BRAF: variants seen among roughly 807,000 people sequenced by gnomAD.
BRAF encodes serine/threonine-protein kinase B-raf.
In BRAF, 16 loss-of-function variants were observed where a neutral mutation model predicts 104.6. That is an observed-to-expected ratio of 0.15 (90% CI 0.10 to 0.23). The LOEUF (loss-of-function observed/expected upper bound fraction) is 0.23, where lower values mean the gene tolerates loss of function less well. BRAF is among the 10% of genes least tolerant of loss of function. The pLI is 1.00. For synonymous variants in BRAF, 310 were observed against 341.6 expected (o/e 0.91, Z 1.02); for missense variants, 541 against 937.3 (o/e 0.58, Z 5.52).
Position 140,722,914 on chromosome 7 carries a change from T to A in BRAF, c.*3580A>T, listed in dbSNP as rs1045938611. 4.7e-6 allele frequency: 5 copies of A among 1,055,640 alleles called. No homozygotes were observed. The highest frequency in any genetic ancestry group is 5.7e-6 in the Non-Finnish European group (5 of 873,328). The allele number at this position is 1,055,640 out of a possible 1,614,324, so 65.4% of individuals were successfully genotyped here. ...TCAGATATTCCGAGCAACACATTTT[T>A]TTACAGTATTACTGCTTAAATGTAT... On this transcript the variant is annotated 3_prime_UTR_variant, in exon 20 of 20. Transcript: ENST00000644969.
chr7:140,728,597 C>T (rs1477940056), intron 19 of BRAF, among the ~76,000 whole-genome samples: 1 of 149,740 alleles, frequency 6.7e-6, no homozygotes, highest in Non-Finnish European at 1.5e-5. Context: ...TAGAGTAAAA[C>T]ATTTGGAGTA....
At chr7:140,740,333 T>C (rs1363609318) in intron 17 of BRAF, 1 of 181,572 alleles carries the variant, frequency 5.5e-6, no homozygotes, top group African/African-American at 2.4e-5. Flanking sequence ...AAGTCCTCTA[T>C]ATATGTGTAG....
At chr7:140,830,081 A>G (rs1319748425) in intron 3 of BRAF, among the ~76,000 whole-genome samples, 3 of 152,200 alleles carry the variant, frequency 2.0e-5, no homozygotes, top group Non-Finnish European at 4.4e-5. Flanking sequence ...GTCAACAATC[A>G]TACTTTCAAT....
chr7:140,911,585 T>C (rs1034030551), intron 1 of BRAF, among the ~76,000 whole-genome samples: 9 of 152,278 alleles, frequency 5.9e-5, no homozygotes, highest in Middle Eastern at 6.8e-3. Context: ...GAGGTAAGTC[T>C]GGAAGGTTTG....
intron 16 of BRAF, among the ~76,000 whole-genome samples, chr7:140,752,270 G>C (rs1451263619): frequency 6.6e-6 from 1 of 152,168 alleles, no homozygotes; most frequent in East Asian, 1.9e-4. Context: ...GGGATCAAGT[G>C]ATCCTCCTGC....
At chr7:140,726,575 C>T (rs1001762927) in intron 19 of BRAF, 2 of 1,367,622 alleles carry the variant, frequency 1.5e-6, no homozygotes, top group Non-Finnish European at 2.0e-6. Context: ...CCTAGAGACA[C>T]AGAAAAGCCT....
At chr7:140,737,282 C>A (rs1223001888) in intron 18 of BRAF, among the ~76,000 whole-genome samples, 1 of 152,158 alleles carries the variant, frequency 6.6e-6, no homozygotes, top group African/African-American at 2.4e-5. Flanking sequence ...ATGCTGCCTT[C>A]CACCAAACCT....
intron 2 of BRAF, among the ~76,000 whole-genome samples, chr7:140,845,202 A>C (rs1808416041): frequency 6.6e-6 from 1 of 152,186 alleles, no homozygotes; most frequent in African/African-American, 2.4e-5. Flanking sequence ...CATATGCAAA[A>C]GAACGAAGTT....
intron 4 of BRAF, chr7:140,808,398 A>G (rs1488278626): frequency 2.3e-6 from 1 of 430,698 alleles, no homozygotes; most frequent in African/African-American, 2.1e-5. Flanking sequence ...GGACTTATCT[A>G]TCCATTCAAG....
intron 17 of BRAF, among the ~76,000 whole-genome samples, chr7:140,747,970 C>T (rs1797486704): frequency 6.6e-6 from 1 of 152,192 alleles, no homozygotes; most frequent in South Asian, 2.1e-4. Flanking sequence ...TAAGACTCAA[C>T]ATTCTAAAGC....
At position 140,721,813 on chromosome 7, in the gene BRAF, A is replaced by G. The variant is rs1393230078; in HGVS notation, c.*4681T>C. ...CTTTTACATCCAATGGCCAGGTCAT[A>G]AAGGATGCCTTGAGACCTCCACCCT... On this transcript the variant is annotated 3_prime_UTR_variant, in exon 20 of 20. Transcript: ENST00000644969. 1.4e-6 allele frequency: 2 copies of G among 1,401,322 alleles called. No individual in the cohort carries two copies. The highest frequency in any genetic ancestry group is 5.6e-5 in the East Asian group (2 of 35,884). 86.8% of individuals were successfully genotyped at this position (1,401,322 alleles called of 1,614,324 possible). A position where few individuals can be genotyped will look rare whatever the true frequency, so the allele number is the denominator to read the frequency against.
At chr7:140,865,799 A>T (rs1586459399) in intron 1 of BRAF, among the ~76,000 whole-genome samples, 1 of 152,228 alleles carries the variant, frequency 6.6e-6, no homozygotes, top group Non-Finnish European at 1.5e-5. Context: ...GAAATAGAGA[A>T]GTGATATTCA....
chr7:140,726,421 C>T lies in BRAF; in HGVS notation c.*73G>A, dbSNP rs1795599760. ...TTAAAAAAAGATTTGAGGAACAGAA[C>T]TGTGTTTTGATGTTAACAAATTGTA... On this transcript the variant is annotated 3_prime_UTR_variant, in exon 20 of 20. Coordinates refer to ENST00000644969, the MANE Select transcript of BRAF (RefSeq NM_001374258.1). 3.9e-6 allele frequency: 6 copies of T among 1,528,714 alleles called. No homozygotes were observed. The South Asian group carries it at 6.1e-5, about 16-fold the overall frequency. The allele number at this position is 1,528,714 out of a possible 1,614,324, so 94.7% of individuals were successfully genotyped here. A position where few individuals can be genotyped will look rare whatever the true frequency, so the allele number is the denominator to read the frequency against.
At chr7:140,868,381 G>T (rs899086380) in intron 1 of BRAF, among the ~76,000 whole-genome samples, 16 of 152,112 alleles carry the variant, frequency 1.1e-4, no homozygotes, top group African/African-American at 3.6e-4. Context: ...CCATTCAGTG[G>T]AATTTTACTT....
rs955630367 is a variant in BRAF at position 140,924,357 on chromosome 7, A to C, written c.138+209T>G. On this transcript the variant is annotated intron_variant, in intron 1 of 19. Transcript: ENST00000644969. The surrounding 1 kb of genome is among the most constrained non-coding windows in gnomAD (Gnocchi z 4.2). ...CCACATCTGGGGTGGGGGCCAGGGA[A>C]ACCCCCCGGGCCATTGTGTGTGTTT... Among the ~76,000 whole-genome samples the C allele has an allele frequency of 6.6e-6, 1 of 152,108 alleles. No individual in the cohort carries two copies. Among genetic ancestry groups the C allele is most frequent in the Non-Finnish European group, 1.5e-5 (1 of 67,998 alleles).
At chr7:140,782,491 A>T (rs977050557) in intron 11 of BRAF, among the ~76,000 whole-genome samples, 3 of 152,006 alleles carry the variant, frequency 2.0e-5, no homozygotes, top group Non-Finnish European at 2.9e-5. Flanking sequence ...CAACATATAA[A>T]ATTACTTTGG....
chr7:140,724,209 C>G lies in BRAF; in HGVS notation c.*2285G>C. ...CTCCCTAATGGTACCGCCCCTGCCC[C>G]TGCCCCACGGAGGCAGTCCCGGACC... is the stretch of plus-strand genomic sequence containing the variant. On this transcript the variant is annotated 3_prime_UTR_variant, in exon 20 of 20. Transcript: ENST00000644969. 1 of 1,058,042 alleles carries G rather than the reference C, an allele frequency of 9.5e-7. No individual in the cohort carries two copies. Among genetic ancestry groups the G allele is most frequent in the Non-Finnish European group, 1.1e-6 (1 of 874,742 alleles). 65.5% of individuals were successfully genotyped at this position (1,058,042 alleles called of 1,614,324 possible).
intron 17 of BRAF, among the ~76,000 whole-genome samples, chr7:140,745,970 T>C (rs952189293): frequency 6.6e-6 from 1 of 152,172 alleles, no homozygotes; most frequent in Non-Finnish European, 1.5e-5. Context: ...ACTGAGCTTC[T>C]AGCTTCTAGC....
chr7:140,887,205 G>A (rs1001530031), intron 1 of BRAF, among the ~76,000 whole-genome samples: 5 of 152,188 alleles, frequency 3.3e-5, no homozygotes, highest in Non-Finnish European at 5.9e-5. Flanking sequence ...AACTCCACAA[G>A]TAAATCAACA....
Sources: gnomAD v4.1 joint callset for allele counts (sites outside exome capture counted in the v4.1 genomes callset) on GRCh38, gnomAD v4.1.1 for gene constraint, Gnocchi (gnomAD v3.1) non-coding constraint, MANE v1.5 for transcripts, NCBI Gene and HGNC (gene_info 2026-07-23, HGNC 2026-07-21) for gene names.